The following MYT1L variants were observed in gnomAD, a reference collection of about 807,000 sequenced individuals.
MYT1L encodes myelin transcription factor 1 like.
A neutral mutation model predicts 126.7 loss-of-function variants in MYT1L; 12 were observed. The observed-to-expected ratio is 0.09, with a 90% confidence interval of 0.06 to 0.15. The LOEUF (loss-of-function observed/expected upper bound fraction) is 0.15, where lower values mean the gene tolerates loss of function less well. Ranked by LOEUF, MYT1L falls within the 10% of genes least tolerant of loss-of-function variation. The probability of loss-of-function intolerance (pLI) is 1.00; values close to 1 mark genes in which losing one functional copy is unlikely to be tolerated. For synonymous variants in MYT1L, 541 were observed against 604.2 expected (o/e 0.90, Z 1.53); for missense variants, 979 against 1,585.2 (o/e 0.62, Z 6.49).
intron 8 of MYT1L, among the ~76,000 whole-genome samples, chr2:1,977,744 TTAAC>T (rs1218926356): frequency 2.0e-5 from 3 of 152,208 alleles, no homozygotes; most frequent in African/African-American, 7.2e-5. Context: ...GTGATAAAGT[TTAAC>T]TACTGACTAA....
At chr2:2,069,071 A>AT (rs200799957) in intron 3 of MYT1L, among the ~76,000 whole-genome samples, 165 of 149,938 alleles carry the variant, frequency 1.1e-3, no homozygotes, top group Middle Eastern at 3.5e-3. Flanking sequence ...TTTGGGCAAC[A>AT]TTTTTTTTTC....
intron 8 of MYT1L, among the ~76,000 whole-genome samples, chr2:1,958,393 C>T (rs2058689446): frequency 6.6e-6 from 1 of 151,826 alleles, no homozygotes; most frequent in Non-Finnish European, 1.5e-5. Context: ...GTGGCCACTG[C>T]AGATGGAACC....
chr2:2,179,610 G>A (rs1039500996), intron 2 of MYT1L, among the ~76,000 whole-genome samples: 4 of 152,164 alleles, frequency 2.6e-5, no homozygotes, highest in Non-Finnish European at 2.9e-5. Flanking sequence ...AATTATGCCT[G>A]TTTTACAGAT....
At chr2:1,836,778 C>T (rs2040963881) in intron 21 of MYT1L, among the ~76,000 whole-genome samples, 1 of 151,994 alleles carries the variant, frequency 6.6e-6, no homozygotes, top group Non-Finnish European at 1.5e-5. Flanking sequence ...TTCCATCAGC[C>T]TGCACCCCAA....
intron 3 of MYT1L, among the ~76,000 whole-genome samples, chr2:2,156,780 C>G (rs1270115472): frequency 6.6e-6 from 1 of 152,174 alleles, no homozygotes. Flanking sequence ...GAGGGTCCCT[C>G]CCAGTGCTGA....
intron 2 of MYT1L, among the ~76,000 whole-genome samples, chr2:2,218,981 A>C (rs1244752820): frequency 6.6e-6 from 1 of 152,148 alleles, no homozygotes; most frequent in Admixed American, 6.5e-5. Flanking sequence ...TTGAAATAAG[A>C]AGCATAAAGA....
chr2:1,843,543 A>T (rs1020183047), intron 19 of MYT1L, among the ~76,000 whole-genome samples: 1 of 151,732 alleles, frequency 6.6e-6, no homozygotes, highest in Non-Finnish European at 1.5e-5. Flanking sequence ...ACCCAGGGAG[A>T]ATTACGGAGT....
intron 3 of MYT1L, among the ~76,000 whole-genome samples, chr2:2,123,524 C>T (rs1161853904): frequency 2.0e-5 from 3 of 152,074 alleles, no homozygotes; most frequent in Non-Finnish European, 4.4e-5. Context: ...ACTGAGTTCT[C>T]GCAAGACCTG....
chr2:2,172,582 A>G (rs1046207907), intron 3 of MYT1L, among the ~76,000 whole-genome samples: 8 of 152,252 alleles, frequency 5.3e-5, no homozygotes, highest in Non-Finnish European at 1.0e-4. Flanking sequence ...GCACCAGAGG[A>G]GGGGCTGCCT....
intron 2 of MYT1L, among the ~76,000 whole-genome samples, chr2:2,239,209 A>G (rs530152205): frequency 3.9e-5 from 6 of 152,362 alleles, no homozygotes; most frequent in African/African-American, 1.2e-4. Flanking sequence ...CCACCATAAC[A>G]TAACATAGAA....
At chr2:2,249,702 T>C (rs2149207061) in intron 2 of MYT1L, among the ~76,000 whole-genome samples, 1 of 151,998 alleles carries the variant, frequency 6.6e-6, no homozygotes, top group East Asian at 1.9e-4. Context: ...AAAAGCTTCT[T>C]CACAGCAAAG....
At chr2:2,052,228 C>A (rs1429090243) in intron 4 of MYT1L, among the ~76,000 whole-genome samples, 4 of 152,082 alleles carry the variant, frequency 2.6e-5, no homozygotes, top group Non-Finnish European at 4.4e-5. Flanking sequence ...AGAGTATACC[C>A]ACATGCAAAA....
intron 2 of MYT1L, among the ~76,000 whole-genome samples, chr2:2,184,880 C>T (rs1463938663): frequency 6.6e-6 from 1 of 152,176 alleles, no homozygotes; most frequent in Non-Finnish European, 1.5e-5. Context: ...CAAGAGAGGC[C>T]GCAGCTCGGC....
At position 2,206,367 on chromosome 2, in the gene MYT1L, A is replaced by G. The variant is rs182934624; in HGVS notation, c.-420-33379T>C. Among the ~76,000 whole-genome samples the G allele has an allele frequency of 2.7e-3, 406 of 152,280 alleles. 1 individual carries two copies. The highest frequency in any genetic ancestry group is 1.6e-3 in the Non-Finnish European group (106 of 68,030). ...CTGTTTACCTAATGAAGTCTTAGTT[A>G]TCCTTTAAAAACCAGCCCACTTGGA... On this transcript the variant is annotated intron_variant, in intron 2 of 24. Transcript: ENST00000647738.
chr2:1,950,375 A>T (rs2057632819), intron 8 of MYT1L, among the ~76,000 whole-genome samples: 2 of 152,160 alleles, frequency 1.3e-5, no homozygotes, highest in South Asian at 4.1e-4. Flanking sequence ...TGCATGATTG[A>T]TTTATTCCTT....
chr2:2,238,427 A>G (rs185950771), intron 2 of MYT1L, among the ~76,000 whole-genome samples: 5 of 152,288 alleles, frequency 3.3e-5, no homozygotes, highest in Non-Finnish European at 5.9e-5. Flanking sequence ...TTTCAGATGT[A>G]TCTGTAGTGC....
At chr2:2,169,941 G>A (rs1285107982) in intron 3 of MYT1L, among the ~76,000 whole-genome samples, 1 of 152,218 alleles carries the variant, frequency 6.6e-6, no homozygotes, top group African/African-American at 2.4e-5. Flanking sequence ...GTCAGACAGG[G>A]TGATACAGGC....
intron 1 of MYT1L, among the ~76,000 whole-genome samples, chr2:2,297,011 G>C (rs774646618): frequency 6.6e-6 from 1 of 151,966 alleles, no homozygotes; most frequent in African/African-American, 2.4e-5. Context: ...AGGACCTTTC[G>C]GGGCCAATTG....
At chr2:2,164,042 A>G (rs2148458574) in intron 3 of MYT1L, among the ~76,000 whole-genome samples, 1 of 152,284 alleles carries the variant, frequency 6.6e-6, no homozygotes, top group East Asian at 1.9e-4. Context: ...AAAAGAATAC[A>G]TATAATTTAT....
Sources: allele counts gnomAD v4.1 joint callset (sites outside exome capture counted in the v4.1 genomes callset), GRCh38; gene constraint gnomAD v4.1.1; transcripts MANE v1.5; gene names NCBI Gene and HGNC (gene_info 2026-07-23, HGNC 2026-07-21).